SLC35D4: variants seen among roughly 807,000 people sequenced by gnomAD.
The protein encoded by SLC35D4 is UDP-N-acetylglucosamine transporter SLC35D4.
the SLC35D4 span, among the ~76,000 whole-genome samples, chr18:23,267,018 C>T: frequency 6.6e-6 from 1 of 152,198 alleles, no homozygotes; most frequent in African/African-American, 2.4e-5. Flanking sequence ...CAACAGACCA[C>T]AGAGGTAGAG....
the SLC35D4 span, among the ~76,000 whole-genome samples, chr18:23,404,992 CAAAAAAAAAAAAA>C: frequency 1.0e-3 from 46 of 44,500 alleles, no homozygotes; most frequent in African/African-American, 2.7e-3. Flanking sequence ...GACTCCGTCT[CAAAAAAAAAAAAA>C]AAAAAAAAAA....
the SLC35D4 span, among the ~76,000 whole-genome samples, chr18:23,246,426 C>G: frequency 6.6e-6 from 1 of 151,970 alleles, no homozygotes; most frequent in Non-Finnish European, 1.5e-5. Context: ...GAGTCTTGCT[C>G]TGTCGCCCAG....
the SLC35D4 span, among the ~76,000 whole-genome samples, chr18:23,311,611 C>T: frequency 6.6e-6 from 1 of 152,116 alleles, no homozygotes; most frequent in South Asian, 2.1e-4. Flanking sequence ...CTTGAAGGCC[C>T]CTGGATCTAG....
At chr18:23,293,386 C>T in the SLC35D4 span, among the ~76,000 whole-genome samples, 4 of 152,180 alleles carry the variant, frequency 2.6e-5, no homozygotes, top group Admixed American at 2.6e-4. Context: ...GTTGATAGTA[C>T]ATTTTATTTA....
chr18:23,392,140 G>A, the SLC35D4 span, among the ~76,000 whole-genome samples: 5 of 151,934 alleles, frequency 3.3e-5, no homozygotes, highest in Admixed American at 6.6e-5. Flanking sequence ...GTTTTGCCAC[G>A]TTGGCCAGGC....
chr18:23,385,905 G>C, the SLC35D4 span, among the ~76,000 whole-genome samples: 1 of 152,016 alleles, frequency 6.6e-6, no homozygotes, highest in South Asian at 2.1e-4. Context: ...GCCGAGAAGA[G>C]TGAATCACGA....
At chr18:23,323,323 A>C in the SLC35D4 span, among the ~76,000 whole-genome samples, 3 of 152,354 alleles carry the variant, frequency 2.0e-5, no homozygotes, top group African/African-American at 7.2e-5. Flanking sequence ...CTGCCAAAAG[A>C]GAAATATCCA....
the SLC35D4 span, among the ~76,000 whole-genome samples, chr18:23,408,112 A>G: frequency 6.7e-6 from 1 of 148,564 alleles, no homozygotes; most frequent in South Asian, 2.1e-4. Context: ...CTTCTTACCC[A>G]CTCTCTATAA....
chr18:23,420,260 G>A, the SLC35D4 span, among the ~76,000 whole-genome samples: 2 of 152,092 alleles, frequency 1.3e-5, no homozygotes, highest in South Asian at 2.1e-4. Flanking sequence ...CTGAGATTGC[G>A]CCATTGCACT....
At chr18:23,266,928 A>G in the SLC35D4 span, among the ~76,000 whole-genome samples, 5 of 152,186 alleles carry the variant, frequency 3.3e-5, no homozygotes, top group African/African-American at 4.8e-5. Flanking sequence ...TTCGCTGATG[A>G]GGGGCTGGTG....
At chr18:23,425,446 A>G in the SLC35D4 span, among the ~76,000 whole-genome samples, 9 of 152,242 alleles carry the variant, frequency 5.9e-5, no homozygotes, top group African/African-American at 2.2e-4. Flanking sequence ...GAATGGGGTT[A>G]TATCCCAACA....
At chr18:23,308,874 C>CTG in the SLC35D4 span, among the ~76,000 whole-genome samples, 1,049 of 144,200 alleles carry the variant, frequency 7.3e-3, 3 homozygotes, top group East Asian at 0.018. Context: ...CTCTCTCTCT[C>CTG]TCTGTGTGTG....
chr18:23,251,891 AC>A, the SLC35D4 span, among the ~76,000 whole-genome samples: 5 of 152,020 alleles, frequency 3.3e-5, no homozygotes, highest in African/African-American at 1.2e-4. Context: ...TTCGAGACCA[AC>A]CTGGCCAACA....
At chr18:23,257,283 G>C in the SLC35D4 span, 4 of 1,613,654 alleles carry the variant, frequency 2.5e-6, no homozygotes, top group Non-Finnish European at 3.4e-6. Flanking sequence ...TTGAATTCCC[G>C]GTGTTAGTGG....
At chr18:23,272,245 T>G in the SLC35D4 span, among the ~76,000 whole-genome samples, 15 of 152,182 alleles carry the variant, frequency 9.9e-5, no homozygotes, top group Non-Finnish European at 2.2e-4. Context: ...AGGCTGCCAC[T>G]GCTGTGGAGG....
the SLC35D4 span, among the ~76,000 whole-genome samples, chr18:23,287,215 G>T: frequency 2.0e-5 from 3 of 152,028 alleles, no homozygotes; most frequent in African/African-American, 7.3e-5. Flanking sequence ...AAATTGTTTT[G>T]CCTATCCACC....
At chr18:23,388,396 A>G in the SLC35D4 span, among the ~76,000 whole-genome samples, 14 of 152,332 alleles carry the variant, frequency 9.2e-5, no homozygotes, top group South Asian at 2.7e-3. Context: ...CCCTGATTTT[A>G]TAAACAATGA....
the SLC35D4 span, among the ~76,000 whole-genome samples, chr18:23,295,030 T>C: frequency 6.6e-6 from 1 of 152,024 alleles, no homozygotes; most frequent in Non-Finnish European, 1.5e-5. Flanking sequence ...TGCCACTTTC[T>C]GCAAGTGGAA....
chr18:23,419,700 C>T, the SLC35D4 span, among the ~76,000 whole-genome samples: 1 of 152,020 alleles, frequency 6.6e-6, no homozygotes, highest in Non-Finnish European at 1.5e-5. Context: ...TAGAGGGCTA[C>T]AAAGCATACC....
Sources: allele counts gnomAD v4.1 joint callset (sites outside exome capture counted in the v4.1 genomes callset), GRCh38; gene constraint gnomAD v4.1.1; transcripts MANE v1.5; gene names NCBI Gene and HGNC (gene_info 2026-07-23, HGNC 2026-07-21).